PTPRT: variants seen among roughly 807,000 people sequenced by gnomAD.
The protein encoded by PTPRT is receptor-type tyrosine-protein phosphatase T.
PTPRT carries 56 observed loss-of-function variants against 176.8 expected under a neutral mutation model. The ratio of observed to expected loss-of-function variants is 0.32; its 90% CI spans 0.26 to 0.40. The LOEUF is 0.40. Ranked by LOEUF, PTPRT falls within the 10% of genes least tolerant of loss-of-function variation. PTPRT has a pLI of 1.00. For missense variants in PTPRT, 1,540 were observed against 1,908.2 expected (o/e 0.81, Z 3.60); for synonymous variants, 783 against 739.0 (o/e 1.06, Z -0.96).
intron 12 of PTPRT, among the ~76,000 whole-genome samples, chr20:42,309,633 A>G (rs1156765047): frequency 1.3e-5 from 2 of 152,176 alleles, no homozygotes; most frequent in Non-Finnish European, 1.5e-5. Flanking sequence ...TAATCCTCAA[A>G]CAGACTGTGT....
chr20:42,534,397 G>C (rs2145555085), intron 7 of PTPRT, among the ~76,000 whole-genome samples: 1 of 152,292 alleles, frequency 6.6e-6, no homozygotes, highest in East Asian at 1.9e-4. Flanking sequence ...ACTTTGGGAG[G>C]CCGAGGCGGG....
At chr20:42,105,772 G>A (rs139420514) in intron 24 of PTPRT, among the ~76,000 whole-genome samples, 1 of 152,328 alleles carries the variant, frequency 6.6e-6, no homozygotes, top group East Asian at 1.9e-4. Flanking sequence ...GCCTATGTGT[G>A]TAAACCAATC....
chr20:42,533,118 C>T (rs1227158325), intron 7 of PTPRT, among the ~76,000 whole-genome samples: 1 of 152,216 alleles, frequency 6.6e-6, no homozygotes, highest in Non-Finnish European at 1.5e-5. Context: ...TGCTGCATTA[C>T]TAAAGCGGGA....
At chr20:42,398,581 T>C (rs1323531389) in intron 9 of PTPRT, among the ~76,000 whole-genome samples, 4 of 152,174 alleles carry the variant, frequency 2.6e-5, no homozygotes, top group African/African-American at 9.7e-5. Context: ...AGAATTCAAA[T>C]GGCGCATCGA....
At chr20:42,797,691 G>C (rs541171731) in intron 2 of PTPRT, among the ~76,000 whole-genome samples, 1 of 152,312 alleles carries the variant, frequency 6.6e-6, no homozygotes, top group East Asian at 1.9e-4. Context: ...TTATTAACCA[G>C]ATAAGCTTGA....
chr20:43,155,347 T>C (rs2014486541), intron 1 of PTPRT, among the ~76,000 whole-genome samples: 1 of 152,166 alleles, frequency 6.6e-6, no homozygotes, highest in Admixed American at 6.5e-5. Context: ...CATTCAGCCA[T>C]ATCAAGGATG....
At chr20:42,899,744 A>G (rs1455450608) in intron 1 of PTPRT, among the ~76,000 whole-genome samples, 1 of 152,214 alleles carries the variant, frequency 6.6e-6, no homozygotes, top group Non-Finnish European at 1.5e-5. Context: ...TTAAATGCTC[A>G]TGAATGAATG....
At chr20:42,417,605 A>T (rs56021308) in intron 9 of PTPRT, among the ~76,000 whole-genome samples, 1,957 of 150,488 alleles carry the variant, frequency 0.013, 29 homozygotes, top group Non-Finnish European at 0.021. Context: ...ATAATGAAAT[A>T]AAAAAAAATG....
chr20:42,694,337 C>T (rs138039350), intron 6 of PTPRT, among the ~76,000 whole-genome samples: 211 of 152,272 alleles, frequency 1.4e-3, no homozygotes, highest in Non-Finnish European at 2.4e-3. Flanking sequence ...TATGCCCGGC[C>T]TAGTCCAAGT....
At chr20:42,246,336 A>T (rs1035843546) in intron 14 of PTPRT, among the ~76,000 whole-genome samples, 2 of 152,016 alleles carry the variant, frequency 1.3e-5, no homozygotes, top group African/African-American at 2.4e-5. Context: ...CCATCTGTAA[A>T]CTGTTCCAAT....
At chr20:42,220,263 C>T (rs1449497194) in intron 15 of PTPRT, among the ~76,000 whole-genome samples, 3 of 152,138 alleles carry the variant, frequency 2.0e-5, no homozygotes, top group African/African-American at 7.2e-5. Context: ...AAGAGACATA[C>T]ATGTTCCTAA....
intron 7 of PTPRT, among the ~76,000 whole-genome samples, chr20:42,505,958 T>C (rs2071836531): frequency 6.6e-6 from 1 of 152,178 alleles, no homozygotes; most frequent in Non-Finnish European, 1.5e-5. Flanking sequence ...GAGCAAGTAG[T>C]TGAAAAGATT....
At chr20:42,239,005 G>A (rs1354630222) in intron 14 of PTPRT, among the ~76,000 whole-genome samples, 2 of 152,010 alleles carry the variant, frequency 1.3e-5, no homozygotes, top group Non-Finnish European at 2.9e-5. Flanking sequence ...AATATATAAA[G>A]TATTCTATGT....
At chr20:43,099,011 G>C (rs2012282724) in intron 1 of PTPRT, among the ~76,000 whole-genome samples, 1 of 152,034 alleles carries the variant, frequency 6.6e-6, no homozygotes, top group Non-Finnish European at 1.5e-5. Flanking sequence ...TGCCAGGCTT[G>C]CAAAAGATCC....
At chr20:42,052,178 A>G in the PTPRT span, among the ~76,000 whole-genome samples, 1 of 152,196 alleles carries the variant, frequency 6.6e-6, no homozygotes, top group Non-Finnish European at 1.5e-5. Context: ...GGAGCACCCC[A>G]GGGCACACAT....
At chr20:42,835,627 G>A (rs929363100) in intron 2 of PTPRT, among the ~76,000 whole-genome samples, 3 of 152,108 alleles carry the variant, frequency 2.0e-5, no homozygotes, top group Non-Finnish European at 4.4e-5. Context: ...AACTGTTCTA[G>A]ACAAGAACTT....
chr20:43,058,079 GCA>G (rs767779875), intron 1 of PTPRT, among the ~76,000 whole-genome samples: 6 of 152,198 alleles, frequency 3.9e-5, no homozygotes, highest in Admixed American at 3.3e-4. Flanking sequence ...TTGCCCTTGT[GCA>G]CACAGCTGGA....
chr20:42,704,979 G>T (rs2076030375), intron 6 of PTPRT, among the ~76,000 whole-genome samples: 1 of 152,110 alleles, frequency 6.6e-6, no homozygotes, highest in Admixed American at 6.5e-5. Context: ...ATTGAGGCAG[G>T]CAGATCACCT....
chr20:43,187,057 C>T (rs898113129), intron 1 of PTPRT, among the ~76,000 whole-genome samples: 1 of 152,138 alleles, frequency 6.6e-6, no homozygotes, highest in Non-Finnish European at 1.5e-5. Context: ...TCATTCCTTC[C>T]AAAAACCGTC....
Sources: allele counts gnomAD v4.1 joint callset (sites outside exome capture counted in the v4.1 genomes callset), GRCh38; gene constraint gnomAD v4.1.1; transcripts MANE v1.5; gene names NCBI Gene and HGNC (gene_info 2026-07-23, HGNC 2026-07-21).